Variants in CEP63 observed in about 807,000 individuals in gnomAD.
The protein encoded by CEP63 is centrosomal protein of 63 kDa.
Under a neutral mutation model 89.1 loss-of-function variants are expected in CEP63, and 84 were observed. The ratio of observed to expected loss-of-function variants is 0.94; its 90% CI spans 0.79 to 1.13. The LOEUF is 1.13. Among genes scored for constraint, CEP63 ranks in the 50% most tolerant of loss-of-function variants. The probability of loss-of-function intolerance (pLI) is 0.00; values close to 1 mark genes in which losing one functional copy is unlikely to be tolerated. For synonymous variants in CEP63, 267 were observed against 272.5 expected (o/e 0.98, Z 0.20); for missense variants, 838 against 813.3 (o/e 1.03, Z -0.37).
chr3:134,651,756 G>C, the CEP63 span: 2 of 361,658 alleles, frequency 5.5e-6, no homozygotes, highest in Non-Finnish European at 7.7e-6. Flanking sequence ...GGGGAAGGAG[G>C]GAGGGGGAGA....
chr3:134,574,617 G>T (rs527819398), intron 11 of CEP63, among the ~76,000 whole-genome samples: 2 of 152,040 alleles, frequency 1.3e-5, no homozygotes, highest in African/African-American at 4.8e-5. Flanking sequence ...CTAAGATTTT[G>T]TTTTTTTGGT....
chr3:134,506,599 G>A (rs921262540), intron 2 of CEP63, among the ~76,000 whole-genome samples: 15 of 152,252 alleles, frequency 9.9e-5, no homozygotes, highest in African/African-American at 3.1e-4. Context: ...TGTGGAATAA[G>A]TAATCATCTT....
At chr3:134,545,957 T>C in intron 7 of CEP63, 138 bp downstream of exon 7, 1 of 835,692 alleles carries the variant, frequency 1.2e-6, no homozygotes, top group Non-Finnish European at 1.9e-6. Context: ...TTGATAGTTT[T>C]ACTAATATTG....
chr3:134,664,127 G>A, the CEP63 span, among the ~76,000 whole-genome samples: 1 of 152,186 alleles, frequency 6.6e-6, no homozygotes, highest in Admixed American at 6.5e-5. Flanking sequence ...ACACCTGTTA[G>A]GCTGATTCAA....
In CEP63 at chr3:134,564,327, A is replaced by G; in HGVS notation, c.*2792A>G. 1 of 985,110 alleles carries G rather than the reference A, an allele frequency of 1.0e-6. No homozygotes were observed. Among genetic ancestry groups the G allele is most frequent in the Non-Finnish European group, 1.2e-6 (1 of 829,890 alleles). The allele number at this position is 985,110 out of a possible 1,614,324, so 61.0% of individuals were successfully genotyped here. On this transcript the variant is annotated 3_prime_UTR_variant, in exon 15 of 15. Transcript: ENST00000675561. ...GTCCTTCAGTTTGTCTCCTCTTCCC[A>G]CACCCTGTCATGTGCTCCTAAAACT...
At chr3:134,490,699 C>A (rs1003022206) in intron 1 of CEP63, among the ~76,000 whole-genome samples, 1 of 152,180 alleles carries the variant, frequency 6.6e-6, no homozygotes, top group Non-Finnish European at 1.5e-5. Context: ...CTGTTTCTTC[C>A]ACTCTGCTTA....
At chr3:134,667,636 T>G in the CEP63 span, among the ~76,000 whole-genome samples, 2 of 152,356 alleles carry the variant, frequency 1.3e-5, no homozygotes, top group African/African-American at 4.8e-5. Context: ...TGAGACACAC[T>G]GACTGGGTGT....
chr3:134,593,593 TGAG>T, the CEP63 span, among the ~76,000 whole-genome samples: 1 of 152,064 alleles, frequency 6.6e-6, no homozygotes, highest in Non-Finnish European at 1.5e-5. Context: ...CTGCCAACGC[TGAG>T]GAGGAGGAGG....
At chr3:134,532,665 A>T in intron 4 of CEP63, 113 bp from the exon 5 acceptor site, 3 of 746,822 alleles carry the variant, frequency 4.0e-6, no homozygotes, top group Non-Finnish European at 6.6e-6. Context: ...GAAATCTAAC[A>T]TGTTCTCAGT....
the CEP63 span, chr3:134,603,751 G>A: frequency 1.2e-6 from 2 of 1,611,990 alleles, no homozygotes; most frequent in Non-Finnish European, 1.7e-6. Flanking sequence ...CAGGACTTTG[G>A]CAATACCATG....
At chr3:134,557,376 G>GTTTTTTGTTTTTTTTT (rs1956393276) in intron 12 of CEP63, among the ~76,000 whole-genome samples, 1 of 101,500 alleles carries the variant, frequency 9.9e-6, no homozygotes, top group Non-Finnish European at 1.8e-5. Context: ...TTCATAATTT[G>GTTTTTTGTTTTTTTTT]TTTTTTTTTT....
intron 14 of CEP63, 117 bp downstream of exon 14, chr3:134,559,546 C>A: frequency 1.2e-6 from 1 of 848,968 alleles, no homozygotes. Context: ...ATCATAAGTA[C>A]TCTTCATTAT....
the CEP63 span, among the ~76,000 whole-genome samples, chr3:134,713,920 T>C: frequency 6.6e-6 from 1 of 152,238 alleles, no homozygotes; most frequent in Non-Finnish European, 1.5e-5. Context: ...AGCTCAGAAC[T>C]GTGCCTGGTG....
the CEP63 span, chr3:134,620,902 G>A: frequency 4.3e-6 from 5 of 1,172,708 alleles, no homozygotes; most frequent in Non-Finnish European, 6.3e-6. Context: ...TCGAGGAGGG[G>A]CTGTTGGGGG....
chr3:134,776,865 T>C, the CEP63 span, among the ~76,000 whole-genome samples: 1 of 152,266 alleles, frequency 6.6e-6, no homozygotes, highest in African/African-American at 2.4e-5. Flanking sequence ...TTTTAACACT[T>C]TTGAAACCAT....
exon 12 of CEP63, chr3:134,574,967 A>C (rs141929605): frequency 4.7e-6 from 2 of 426,116 alleles, no homozygotes; most frequent in African/African-American, 4.1e-5. Flanking sequence ...CTTTATATAC[A>C]ATCTGTACTG....
At position 134,545,702 on chromosome 3, in the gene CEP63, G is replaced by A; in HGVS notation, c.672G>A (p.Glu224=). Reference sequence around the variant, plus strand: ...CTAATGACACTATCTGTGCCAATGAGTTGGAAATAGAGCGCCTCACCATGA... The same window carrying A: ...CTAATGACACTATCTGTGCCAATGAATTGGAAATAGAGCGCCTCACCATGA... The part of the protein sequence containing the change: ...ERANDTICAN[E]LEIERLTMRV... The change falls in exon 7 of 15, where the codon GAG becomes GAA. Residue 224 remains glutamate, a synonymous_variant. Coordinates refer to ENST00000675561, the MANE Select transcript of CEP63 (RefSeq NM_001353108.3). 1 of 1,614,122 alleles carries A rather than the reference G, an allele frequency of 6.2e-7. No homozygotes were observed. Among genetic ancestry groups the A allele is most frequent in the East Asian group, 2.2e-5 (1 of 44,864 alleles).
the CEP63 span, among the ~76,000 whole-genome samples, chr3:134,724,585 G>A: frequency 2.5e-4 from 38 of 152,314 alleles, no homozygotes; most frequent in East Asian, 5.2e-3. Context: ...AACCTGCAGC[G>A]TTCTGTGGGA....
At chr3:134,640,911 T>G in the CEP63 span, among the ~76,000 whole-genome samples, 3 of 152,194 alleles carry the variant, frequency 2.0e-5, no homozygotes. Flanking sequence ...GCATTGGATG[T>G]CTACAACCAT....
Sources: allele counts gnomAD v4.1 joint callset (sites outside exome capture counted in the v4.1 genomes callset), GRCh38; gene constraint gnomAD v4.1.1; transcripts MANE v1.5; gene names NCBI Gene and HGNC (gene_info 2026-07-23, HGNC 2026-07-21).